INPP5D: variants seen among roughly 807,000 people sequenced by gnomAD.
INPP5D encodes the protein inositol polyphosphate-5-phosphatase D.
In INPP5D, 33 loss-of-function variants were observed where a neutral mutation model predicts 122.9. The observed-to-expected ratio is 0.27, with a 90% CI of 0.20 to 0.36. INPP5D has a LOEUF of 0.36. Among genes scored for constraint, INPP5D ranks in the 10% least tolerant of loss-of-function variants. The probability of loss-of-function intolerance (pLI) is 1.00; values close to 1 mark genes in which losing one functional copy is unlikely to be tolerated. For synonymous variants in INPP5D, 584 were observed against 576.2 expected (o/e 1.01, Z -0.19); for missense variants, 1,053 against 1,412.7 (o/e 0.75, Z 4.08).
chr2:233,065,330 C>CA (rs1691183614), intron 1 of INPP5D, among the ~76,000 whole-genome samples: 1 of 83,166 alleles, frequency 1.2e-5, no homozygotes, highest in Non-Finnish European at 2.3e-5. Flanking sequence ...TTTTTTTTGA[C>CA]AGAGTCTTGC....
At chr2:233,139,055 A>G (rs1693578436) in intron 5 of INPP5D, among the ~76,000 whole-genome samples, 1 of 152,112 alleles carries the variant, frequency 6.6e-6, no homozygotes, top group African/African-American at 2.4e-5. Flanking sequence ...TGCCTGGCCC[A>G]GAGCAGCCTT....
Position 233,164,256 on chromosome 2 carries a change from G to A in INPP5D, c.1438-51G>A. ...GGCTGGGTGTGAATCACTGTGCCCT[G>A]GTTCACACCCTACACTTGGGCCGAG... is the stretch of plus-strand genomic sequence containing the variant. On this transcript the variant is annotated intron_variant, in intron 12 of 26. Coordinates refer to ENST00000445964, the MANE Select transcript of INPP5D (RefSeq NM_001017915.3). The surrounding 1 kb of genome is among the most constrained non-coding windows in gnomAD (Gnocchi z 4.3). The A allele has an allele frequency of 6.6e-7, 1 of 1,512,602 alleles. No homozygotes were observed. The highest frequency in any genetic ancestry group is 8.9e-7 in the Non-Finnish European group (1 of 1,126,164). 93.7% of individuals were successfully genotyped at this position (1,512,602 alleles called of 1,614,324 possible).
chr2:233,085,688 C>G (rs1691811391), intron 2 of INPP5D, among the ~76,000 whole-genome samples: 2 of 152,088 alleles, frequency 1.3e-5, no homozygotes. Flanking sequence ...AAAGCCAAGC[C>G]TCCCCCCGTT....
chr2:233,073,115 C>T (rs1452699692), intron 1 of INPP5D, among the ~76,000 whole-genome samples: 2 of 152,172 alleles, frequency 1.3e-5, no homozygotes, highest in African/African-American at 2.4e-5. Flanking sequence ...TTCAGCCAAA[C>T]CTGGGTAAAG....
intron 9 of INPP5D, among the ~76,000 whole-genome samples, chr2:233,150,860 C>T (rs1021494198): frequency 6.6e-6 from 1 of 151,960 alleles, no homozygotes; most frequent in African/African-American, 2.4e-5. Flanking sequence ...TGGCTCTGAC[C>T]GGGATTTGAA....
chr2:233,134,093 T>A (rs1188978927), intron 5 of INPP5D: 1 of 448,160 alleles, frequency 2.2e-6, no homozygotes, highest in Admixed American at 2.4e-5. Flanking sequence ...GACCCCTGGG[T>A]TCCCAGTGTG....
At chr2:233,103,026 G>T (rs1692363396) in intron 2 of INPP5D, among the ~76,000 whole-genome samples, 1 of 152,186 alleles carries the variant, frequency 6.6e-6, no homozygotes, top group Admixed American at 6.5e-5. Context: ...AAACACTATT[G>T]TTGTCTTGGG....
At chr2:233,193,360 T>C (rs530141748) in intron 22 of INPP5D, among the ~76,000 whole-genome samples, 1 of 152,348 alleles carries the variant, frequency 6.6e-6, no homozygotes, top group African/African-American at 2.4e-5. Context: ...GTCTGTATTA[T>C]CTGTTCATGC....
At chr2:233,061,558 G>T (rs1258999482) in intron 1 of INPP5D, among the ~76,000 whole-genome samples, 1 of 152,162 alleles carries the variant, frequency 6.6e-6, no homozygotes, top group African/African-American at 2.4e-5. Context: ...AGCAGCCAGG[G>T]CCTTGTGCTT....
At chr2:233,190,074 G>A in intron 22 of INPP5D, 137 bp downstream of exon 22, 1 of 1,377,552 alleles carries the variant, frequency 7.3e-7, no homozygotes, top group Non-Finnish European at 9.6e-7. Flanking sequence ...GGCTGCTAGT[G>A]GGACCGTCAC....
intron 2 of INPP5D, among the ~76,000 whole-genome samples, chr2:233,092,359 C>T (rs1692015050): frequency 6.6e-6 from 1 of 152,194 alleles, no homozygotes; most frequent in African/African-American, 2.4e-5. Context: ...GAAAGAAGAG[C>T]GTCTCAGGGA....
chr2:233,124,868 C>A (rs926524474), intron 3 of INPP5D, among the ~76,000 whole-genome samples: 3 of 152,240 alleles, frequency 2.0e-5, no homozygotes, highest in Non-Finnish European at 4.4e-5. Flanking sequence ...CGACATGAGG[C>A]CCGCGCAGTC....
intron 23 of INPP5D, among the ~76,000 whole-genome samples, chr2:233,194,945 G>A (rs115451976): frequency 0.015 from 2,205 of 151,940 alleles, 49 homozygotes; most frequent in African/African-American, 0.051. Flanking sequence ...GGGATTACAG[G>A]TGCCCACCAC....
rs1041168284 is a variant in INPP5D at position 233,183,434 on chromosome 2, C to T, written c.2161+935C>T. Among the ~76,000 whole-genome samples, 2 of 152,204 alleles carry T rather than the reference C, an allele frequency of 1.3e-5. No individual in the cohort carries two copies. The highest frequency in any genetic ancestry group is 1.3e-4 in the Admixed American group (2 of 15,286). On this transcript the variant is annotated intron_variant, in intron 19 of 26. Coordinates refer to ENST00000445964, the MANE Select transcript of INPP5D (RefSeq NM_001017915.3). This position sits in a 1 kb window ranked among gnomAD's most constrained non-coding sequence, Gnocchi z 4.6. ...CCCCAGAAATGTGACCTCCCTCCTC[C>T]ACCCAAGCCTTGACCCACCATCGTG...
At chr2:233,175,168 A>T (rs1052640996) in intron 17 of INPP5D, among the ~76,000 whole-genome samples, 9 of 137,264 alleles carry the variant, frequency 6.6e-5, no homozygotes, top group African/African-American at 1.0e-4. Flanking sequence ...TGGTGAGCCG[A>T]GACCATGCCA....
At chr2:233,112,451 T>G (rs896264600) in intron 2 of INPP5D, among the ~76,000 whole-genome samples, 2 of 152,216 alleles carry the variant, frequency 1.3e-5, no homozygotes, top group Admixed American at 1.3e-4. Context: ...CAACAGGTGT[T>G]GCAGGTACTT....
chr2:233,099,307 T>A (rs895880898), intron 2 of INPP5D, among the ~76,000 whole-genome samples: 4 of 152,200 alleles, frequency 2.6e-5, no homozygotes, highest in African/African-American at 9.7e-5. Flanking sequence ...CACCAGCCCG[T>A]TACTCCAGAC....
chr2:233,087,572 G>A (rs181877937), intron 2 of INPP5D, among the ~76,000 whole-genome samples: 27 of 152,214 alleles, frequency 1.8e-4, no homozygotes, highest in African/African-American at 4.8e-4. Flanking sequence ...TGATCTGCCC[G>A]CCTCAGCCTC....
chr2:233,205,302 G>C (rs1458140717), intron 26 of INPP5D: 5 of 138,568 alleles, frequency 3.6e-5, no homozygotes, highest in African/African-American at 1.4e-4. Context: ...CCGAGATTGC[G>C]CCACTGCACT....
Sources: gnomAD v4.1 joint callset for allele counts (sites outside exome capture counted in the v4.1 genomes callset) on GRCh38, gnomAD v4.1.1 for gene constraint, Gnocchi (gnomAD v3.1) non-coding constraint, MANE v1.5 for transcripts, NCBI Gene and HGNC (gene_info 2026-07-23, HGNC 2026-07-21) for gene names.